SLC16A12: variants seen among roughly 807,000 people sequenced by gnomAD.
The protein encoded by SLC16A12 is monocarboxylate transporter 12.
In SLC16A12, 17 loss-of-function variants were observed where a neutral mutation model predicts 42.4. The ratio of observed to expected loss-of-function variants is 0.40; its 90% CI spans 0.27 to 0.60. The LOEUF (loss-of-function observed/expected upper bound fraction) is 0.60. Among genes scored for constraint, SLC16A12 ranks in the 20% least tolerant of loss-of-function variants. The pLI is 0.42. For synonymous variants in SLC16A12, 224 were observed against 229.4 expected (o/e 0.98, Z 0.21); for missense variants, 544 against 623.0 (o/e 0.87, Z 1.35).
intron 2 of SLC16A12, among the ~76,000 whole-genome samples, chr10:89,504,141 T>C (rs1215505992): frequency 6.6e-6 from 1 of 152,206 alleles, no homozygotes; most frequent in African/African-American, 2.4e-5. Flanking sequence ...CTACACAAAA[T>C]AGTTCAAGTT....
intron 3 of SLC16A12, among the ~76,000 whole-genome samples, chr10:89,445,106 TG>T (rs1439826090): frequency 6.6e-6 from 1 of 152,226 alleles, no homozygotes. Context: ...AAGCTCAAAC[TG>T]GGTGGAGCCC....
chr10:89,472,487 CTTTTTT>C (rs71022567), intron 2 of SLC16A12, among the ~76,000 whole-genome samples: 6 of 89,894 alleles, frequency 6.7e-5, no homozygotes, highest in Non-Finnish European at 1.1e-4. Context: ...TCTTTTCTTT[CTTTTTT>C]TTTTTTTTTT....
intron 3 of SLC16A12, among the ~76,000 whole-genome samples, chr10:89,457,043 T>C (rs192552264): frequency 6.6e-6 from 1 of 152,318 alleles, no homozygotes; most frequent in Admixed American, 6.5e-5. Flanking sequence ...TATATTATAA[T>C]AGAATGATTT....
chr10:89,463,433 T>C (rs2133749619), intron 2 of SLC16A12, among the ~76,000 whole-genome samples: 1 of 152,228 alleles, frequency 6.6e-6, no homozygotes, highest in South Asian at 2.1e-4. Context: ...AAAAAAGTAT[T>C]ATTCACCACA....
intron 2 of SLC16A12, among the ~76,000 whole-genome samples, chr10:89,530,701 G>A (rs547249160): frequency 1.3e-5 from 2 of 152,212 alleles, no homozygotes; most frequent in East Asian, 1.9e-4. Context: ...TTACAGGTGT[G>A]AGCCACGGCG....
chr10:89,498,595 T>C (rs983556365), intron 2 of SLC16A12, among the ~76,000 whole-genome samples: 5 of 152,220 alleles, frequency 3.3e-5, no homozygotes, highest in African/African-American at 1.2e-4. Context: ...AGAGAGTTTT[T>C]GCAGCTCCGA....
Position 89,439,189 on chromosome 10 carries a change from G to A in SLC16A12, c.449-6C>T, listed in dbSNP as rs200695487. 132 of 1,613,634 alleles carry A rather than the reference G, an allele frequency of 8.2e-5. 1 individual carries two copies. Among genetic ancestry groups the A allele is most frequent in the East Asian group, 2.2e-5 (1 of 44,888 alleles). ...ACAAAGTGCAAATCCAAGACCTGAG[G>A]ATAAAGAGAACTCTATGAGTGCTGA... is the stretch of plus-strand genomic sequence containing the variant. On this transcript the variant is annotated splice_polypyrimidine_tract_variant and splice_region_variant and intron_variant, in intron 5 of 7. Transcript: ENST00000371790.
upstream of SLC16A12, among the ~76,000 whole-genome samples, chr10:89,538,814 A>T (rs1004989296): frequency 6.6e-6 from 1 of 152,112 alleles, no homozygotes; most frequent in African/African-American, 2.4e-5. Context: ...TCCTTGGCCA[A>T]ACTTTAGTCA....
At chr10:89,527,237 C>T (rs1007703346) in intron 2 of SLC16A12, among the ~76,000 whole-genome samples, 1 of 151,902 alleles carries the variant, frequency 6.6e-6, no homozygotes, top group Non-Finnish European at 1.5e-5. Context: ...AATCCCAGCA[C>T]TTTGGGAGGC....
At chr10:89,459,516 A>ATGTG (rs58259835) in intron 3 of SLC16A12, among the ~76,000 whole-genome samples, 39,368 of 149,620 alleles carry the variant, frequency 0.26, 5,338 homozygotes, top group Middle Eastern at 0.32. Flanking sequence ...TTCTGTGTTT[A>ATGTG]TGTGTGTGTG....
chr10:89,542,461 T>A (rs1480969893), intron 2 of SLC16A12, among the ~76,000 whole-genome samples: 1 of 151,872 alleles, frequency 6.6e-6, no homozygotes, highest in Non-Finnish European at 1.5e-5. Context: ...CACCACCACG[T>A]CTGGGTAATC....
intron 2 of SLC16A12, among the ~76,000 whole-genome samples, chr10:89,486,640 AAAG>A (rs1842753441): frequency 2.5e-5 from 3 of 122,060 alleles, no homozygotes; most frequent in South Asian, 5.0e-4. Flanking sequence ...AGAAAGAAAG[AAAG>A]AAAGAAAGAA....
chr10:89,434,862 C>T (rs1464758235), intron 7 of SLC16A12, among the ~76,000 whole-genome samples: 1 of 152,194 alleles, frequency 6.6e-6, no homozygotes, highest in African/African-American at 2.4e-5. Context: ...TCATCCTCAA[C>T]ATTCAGATCA....
chr10:89,515,477 T>A lies in SLC16A12; in HGVS notation c.-47+19024A>T, dbSNP rs192717477. Among the ~76,000 whole-genome samples, 108 of 152,334 alleles carry A rather than the reference T, an allele frequency of 7.1e-4. 1 individual carries two copies. The highest frequency in any genetic ancestry group is 1.4e-3 in the Non-Finnish European group (93 of 68,034). On this transcript the variant is annotated intron_variant, in intron 2 of 7. Transcript: ENST00000371790. ...ATTCCCCTCCAGCCACCTGCTTTTT[T>A]TCTGTCAACAACGATCCATTTTGCC...
rs1842874809 is a variant in SLC16A12 at position 89,493,315 on chromosome 10, T to C, written c.-46-30691A>G. 1.3e-5 allele frequency among the ~76,000 whole-genome samples: 2 copies of C among 151,802 alleles called. 1 individual carries two copies. The highest frequency in any genetic ancestry group is 4.2e-4 in the South Asian group (2 of 4,808). ...TCAGCTCACTGCAACCTCCGCCTCCTGGGTGTTAGCGATTCTCATGCCTCT... is the reference window on the plus strand; with the variant it reads ...TCAGCTCACTGCAACCTCCGCCTCCCGGGTGTTAGCGATTCTCATGCCTCT... On this transcript the variant is annotated intron_variant, in intron 2 of 7. Coordinates refer to ENST00000371790, the MANE Select transcript of SLC16A12 (RefSeq NM_213606.4).
intron 2 of SLC16A12, among the ~76,000 whole-genome samples, chr10:89,492,376 T>G (rs934282050): frequency 6.6e-6 from 1 of 151,926 alleles, no homozygotes; most frequent in Non-Finnish European, 1.5e-5. Context: ...ATAAGAGCAG[T>G]TTTTTAGGAA....
chr10:89,475,455 G>T (rs1842563329), intron 2 of SLC16A12, among the ~76,000 whole-genome samples: 1 of 152,186 alleles, frequency 6.6e-6, no homozygotes, highest in Non-Finnish European at 1.5e-5. Flanking sequence ...TCCTGGAGAT[G>T]CCTTCAACTG....
At chr10:89,443,185 G>A (rs1174474175) in intron 4 of SLC16A12, among the ~76,000 whole-genome samples, 2 of 152,004 alleles carry the variant, frequency 1.3e-5, no homozygotes, top group Admixed American at 6.6e-5. Context: ...ATCTCATGAC[G>A]ACATAATCCT....
chr10:89,512,311 A>G (rs974747528), intron 2 of SLC16A12, among the ~76,000 whole-genome samples: 8 of 152,188 alleles, frequency 5.3e-5, no homozygotes, highest in Admixed American at 3.3e-4. Context: ...TCCCCATCAT[A>G]AGGAATTTTA....
Sources: allele counts gnomAD v4.1 joint callset (sites outside exome capture counted in the v4.1 genomes callset), GRCh38; gene constraint gnomAD v4.1.1; transcripts MANE v1.5; gene names NCBI Gene and HGNC (gene_info 2026-07-23, HGNC 2026-07-21).